The following EBF1 variants were observed in gnomAD, a reference collection of about 807,000 sequenced individuals.
EBF1 encodes the protein EBF transcription factor 1, also known as transcription factor COE1.
EBF1 carries 10 observed loss-of-function variants against 68.4 expected under a neutral mutation model. That is an observed-to-expected ratio of 0.15 (90% CI 0.09 to 0.25). The LOEUF (loss-of-function observed/expected upper bound fraction) is 0.25. Among genes scored for constraint, EBF1 ranks in the 10% least tolerant of loss-of-function variants. The probability of loss-of-function intolerance (pLI) is 1.00; values close to 1 mark genes in which losing one functional copy is unlikely to be tolerated. For synonymous variants in EBF1, 298 were observed against 299.8 expected (o/e 0.99, Z 0.06); for missense variants, 509 against 794.4 (o/e 0.64, Z 4.32).
chr5:158,969,900 G>GA lies in EBF1; in HGVS notation c.554+103495dup, dbSNP rs1340281783. The stretch of plus-strand genomic sequence containing the variant: ...AGAAAGAAAGAAAGAAAGAAAGAAA[G>GA]AAAGAAAGAAAGAAAGAAAAAAAAA... On this transcript the variant is annotated intron_variant, in intron 6 of 15. Transcript: ENST00000313708. Among the ~76,000 whole-genome samples the GA allele has an allele frequency of 2.1e-3, 226 of 107,218 alleles. 7 individuals carry two copies. Among genetic ancestry groups the GA allele is most frequent in the Non-Finnish European group, 3.0e-3 (150 of 50,442 alleles). The allele number at this position is 107,218 out of a possible 152,430, so 70.3% of individuals were successfully genotyped here.
intron 8 of EBF1, among the ~76,000 whole-genome samples, chr5:158,803,515 C>A (rs1250651326): frequency 6.6e-6 from 1 of 151,986 alleles, no homozygotes; most frequent in Non-Finnish European, 1.5e-5. Flanking sequence ...TGTATTTTCA[C>A]CATGCACAGG....
chr5:158,872,492 A>C (rs1000567844), intron 6 of EBF1, among the ~76,000 whole-genome samples: 4 of 152,110 alleles, frequency 2.6e-5, no homozygotes, highest in Admixed American at 2.6e-4. Flanking sequence ...GAGCCACTGC[A>C]CCCGGCCCTG....
At chr5:158,857,568 A>G (rs35560752) in intron 6 of EBF1, among the ~76,000 whole-genome samples, 1,960 of 152,268 alleles carry the variant, frequency 0.013, 54 homozygotes, top group Admixed American at 0.06. Flanking sequence ...TGAATTGCTC[A>G]CATTTCTTCC....
At chr5:159,055,451 G>A (rs1774569070) in intron 6 of EBF1, among the ~76,000 whole-genome samples, 1 of 152,184 alleles carries the variant, frequency 6.6e-6, no homozygotes, top group Non-Finnish European at 1.5e-5. Flanking sequence ...TCCCAGTTCA[G>A]CATTCTACAT....
intron 9 of EBF1, among the ~76,000 whole-genome samples, chr5:158,789,160 T>C (rs1361480844): frequency 1.3e-5 from 2 of 152,164 alleles, no homozygotes; most frequent in Admixed American, 6.5e-5. Context: ...AACTTCTATA[T>C]AATAGATGGT....
chr5:159,011,121 G>A (rs1164153677), intron 6 of EBF1, among the ~76,000 whole-genome samples: 1 of 152,144 alleles, frequency 6.6e-6, no homozygotes, highest in Admixed American at 6.5e-5. Flanking sequence ...TTTCCCAGCC[G>A]CCTAACTTTA....
At chr5:158,778,910 A>C (rs1369701537) in intron 9 of EBF1, among the ~76,000 whole-genome samples, 1 of 152,128 alleles carries the variant, frequency 6.6e-6, no homozygotes, top group Non-Finnish European at 1.5e-5. Flanking sequence ...GGTTTCTAAG[A>C]TTTTGAAATT....
intron 6 of EBF1, among the ~76,000 whole-genome samples, chr5:159,043,511 C>CAATGT (rs1367324126): frequency 4.4e-4 from 67 of 152,176 alleles, no homozygotes; most frequent in South Asian, 3.5e-3. Flanking sequence ...AGTAGGTGTC[C>CAATGT]ACTGAATGAA....
chr5:158,731,215 T>A, intron 10 of EBF1, 58 bp from the exon 11 acceptor site: 1 of 1,502,948 alleles, frequency 6.7e-7, no homozygotes, highest in Non-Finnish European at 9.2e-7. Flanking sequence ...TGAACATGGC[T>A]TGCAACACTA....
intron 1 of EBF1, among the ~76,000 whole-genome samples, chr5:159,098,280 G>A (rs949141982): frequency 5.9e-5 from 9 of 152,206 alleles, no homozygotes; most frequent in South Asian, 2.1e-4. Flanking sequence ...AGTTCCCTCA[G>A]GTCAACCTCC....
chr5:158,985,182 C>T (rs542010810), intron 6 of EBF1, among the ~76,000 whole-genome samples: 1 of 152,082 alleles, frequency 6.6e-6, no homozygotes, highest in African/African-American at 2.4e-5. Context: ...GAAAATGATA[C>T]GAGAATACCA....
At chr5:159,097,164 C>T in intron 1 of EBF1, 34 bp from the exon 2 acceptor site, 1 of 1,601,528 alleles carries the variant, frequency 6.2e-7, no homozygotes, top group South Asian at 1.1e-5. Flanking sequence ...GATGGCTAAA[C>T]CGGACGCCGA....
At chr5:158,998,459 A>G (rs545534356) in intron 6 of EBF1, among the ~76,000 whole-genome samples, 53 of 152,334 alleles carry the variant, frequency 3.5e-4, no homozygotes, top group African/African-American at 1.2e-3. Context: ...CCACAAGGCC[A>G]GGGACTTTGT....
At chr5:159,020,956 C>A (rs938500900) in intron 6 of EBF1, among the ~76,000 whole-genome samples, 1 of 152,200 alleles carries the variant, frequency 6.6e-6, no homozygotes, top group African/African-American at 2.4e-5. Context: ...GGCAACCTAC[C>A]TGTTCTTATT....
intron 7 of EBF1, among the ~76,000 whole-genome samples, chr5:158,826,634 T>C (rs1447083181): frequency 6.6e-6 from 1 of 152,204 alleles, no homozygotes; most frequent in Non-Finnish European, 1.5e-5. Context: ...AAATTTCTAT[T>C]AGGGGGCTTT....
chr5:158,899,624 A>G (rs1802870833), intron 6 of EBF1, among the ~76,000 whole-genome samples: 4 of 152,226 alleles, frequency 2.6e-5, no homozygotes, highest in African/African-American at 9.6e-5. Flanking sequence ...AGGAAATCCT[A>G]TAATGTAACG....
chr5:158,778,836 TA>T (rs1163506267), intron 9 of EBF1, among the ~76,000 whole-genome samples: 2 of 152,200 alleles, frequency 1.3e-5, no homozygotes, highest in Admixed American at 6.5e-5. Context: ...TCTTGTAATA[TA>T]AAAAAGCCCT....
At chr5:158,830,588 A>T (rs1349566639) in intron 7 of EBF1, among the ~76,000 whole-genome samples, 1 of 152,084 alleles carries the variant, frequency 6.6e-6, no homozygotes, top group Non-Finnish European at 1.5e-5. Context: ...TTCAGTACAC[A>T]GTCCTGGCTT....
chr5:158,714,179 C>A lies in EBF1; in HGVS notation c.1129G>T (p.Val377Leu), dbSNP rs768070173. 2 of 1,614,116 alleles carry A rather than the reference C, an allele frequency of 1.2e-6. No individual in the cohort carries two copies. Among genetic ancestry groups the A allele is most frequent in the African/African-American group, 2.7e-5 (2 of 74,950 alleles). ...PGDPERLPKE[V>L]ILKRAADLVE... ...AGATCCGCAGCCCTTTTGAGTATTA[C>A]TTCCTGTCAAGAGAAAAGCAGATAC... Residue 377 changes from valine to leucine, a missense_variant, in exon 12 of 16, where the codon GTA becomes TTA. Transcript: ENST00000313708.
Sources: allele counts gnomAD v4.1 joint callset (sites outside exome capture counted in the v4.1 genomes callset), GRCh38; gene constraint gnomAD v4.1.1; transcripts MANE v1.5; gene names NCBI Gene and HGNC (gene_info 2026-07-23, HGNC 2026-07-21).